PKMYT1: variants seen among roughly 807,000 people sequenced by gnomAD.
PKMYT1 encodes membrane-associated tyrosine- and threonine-specific cdc2-inhibitory kinase.
A neutral mutation model predicts 49.7 loss-of-function variants in PKMYT1; 35 were observed. The ratio of observed to expected loss-of-function variants is 0.70; its 90% CI spans 0.54 to 0.93. The LOEUF is 0.93. Ranked by LOEUF, PKMYT1 falls within the 40% of genes least tolerant of loss-of-function variation. PKMYT1 has a pLI of 0.00. For missense variants in PKMYT1, 677 were observed against 673.1 expected, an observed-to-expected ratio of 1.01 and a Z score of -0.06; for synonymous variants, 331 against 287.6, an observed-to-expected ratio of 1.15 and a Z score of -1.53.
At position 2,979,691 on chromosome 16, in the gene PKMYT1, C is replaced by CG. The variant is rs770283312; in HGVS notation, c.-35dup. ...TGGCCCAACAGCCTCAGTGGTGGGA[C>CG]GGGGGAGGCAGGAGCAGGGGCTCCC... On this transcript the variant is annotated 5_prime_UTR_variant, in exon 2 of 9. Transcript: ENST00000262300. The CG allele has an allele frequency of 1.2e-6, 2 of 1,613,688 alleles. No homozygotes were observed. The highest frequency in any genetic ancestry group is 1.7e-6 in the Non-Finnish European group (2 of 1,179,816).
At chr16:2,975,291 C>A (rs1390820750) in intron 4 of PKMYT1, 28 bp downstream of exon 4, 2 of 1,574,332 alleles carry the variant, frequency 1.3e-6, no homozygotes, top group South Asian at 1.1e-5. Context: ...CACAGCCTGC[C>A]AAACACCTGG....
rs1303521000 is a variant in PKMYT1, at chr16:2,979,873, A to T, written c.-216T>A. ...GGTAGACGGTAAGTTCCTCCCAGGC[A>T]GGGCCGCGGCTGACTTCACTCCGTG... On this transcript the variant is annotated 5_prime_UTR_variant, in exon 2 of 9. Coordinates refer to ENST00000262300, the MANE Select transcript of PKMYT1 (RefSeq NM_004203.5). The T allele has an allele frequency of 1.7e-6, 1 of 601,554 alleles. No individual in the cohort carries two copies. The highest frequency in any genetic ancestry group is 3.0e-6 in the Non-Finnish European group (1 of 334,116). 37.3% of individuals were successfully genotyped at this position (601,554 alleles called of 1,614,324 possible). A position where few individuals can be genotyped will look rare whatever the true frequency, so the allele number is the denominator to read the frequency against.
At chr16:2,975,927 G>T in intron 3 of PKMYT1, 115 bp from the exon 4 acceptor site, 1 of 1,111,600 alleles carries the variant, frequency 9.0e-7, no homozygotes, top group Non-Finnish European at 1.3e-6. Flanking sequence ...GCACGGTGGT[G>T]TAGCTGGCAT....
chr16:2,976,778 G>C lies in PKMYT1; in HGVS notation c.264C>G (p.Ala88=), dbSNP rs2072206476. ...ACCCAGGGCTCTGCAGAGTCTCTGA[G>C]GCCTCGCCCCGGAATGACACCCGCC... ...QPRRVSFRGE[A]SETLQSPGYD... Residue 88 remains alanine (A), a synonymous_variant, in exon 3 of 9, where the codon GCC becomes GCG. Transcript: ENST00000262300. 3.2e-6 allele frequency: 5 copies of C among 1,578,830 alleles called. No homozygotes were observed. Among genetic ancestry groups the C allele is most frequent in the Non-Finnish European group, 4.3e-6 (5 of 1,160,414 alleles).
chr16:2,973,735 C>G lies in PKMYT1; in HGVS notation c.1310+265G>C, dbSNP rs578221880. 10 of 563,280 alleles carry G rather than the reference C, an allele frequency of 1.8e-5. No homozygotes were observed. In the African/African-American group the frequency reaches 1.9e-4, roughly 11 times the overall value. The allele number at this position is 563,280 out of a possible 1,614,324, so 34.9% of individuals were successfully genotyped here. On this transcript the variant is annotated intron_variant, in intron 7 of 8. Transcript: ENST00000262300. ...TGTTTTATCCCTGGGCACTGGCAGC[C>G]TCCACTGGGGTCGGGGCTGCGCGGC...
At chr16:2,975,072 G>A (rs1051518000) in intron 4 of PKMYT1, among the ~76,000 whole-genome samples, 20 of 152,226 alleles carry the variant, frequency 1.3e-4, no homozygotes, top group African/African-American at 4.1e-4. Context: ...TAAATGGAGT[G>A]ACAATTGTTT....
chr16:2,972,994 T>G lies in PKMYT1; in HGVS notation c.1459A>C (p.Asn487His). 1 of 1,610,488 alleles carries G rather than the reference T, an allele frequency of 6.2e-7. No homozygotes were observed. Among genetic ancestry groups the G allele is most frequent in the South Asian group, 1.1e-5 (1 of 89,880 alleles). ...RGSFPSFEPR[N>H]LLSLFEDTLD... ...GTGTCCTCAAACAGGCTGAGGAGGT[T>G]CCGAGGCTCAAAGGAGGGGAAGGAG... Residue 487 changes from asparagine to histidine, a missense_variant, in exon 9 of 9, where the codon AAC (asparagine) becomes CAC (histidine). Asn to His is a moderately conservative substitution (Grantham distance 68). Transcript: ENST00000262300.
intron 3 of PKMYT1, 118 bp downstream of exon 3, chr16:2,976,546 G>A (rs1336541291): frequency 3.0e-6 from 3 of 1,006,644 alleles, no homozygotes; most frequent in Non-Finnish European, 4.0e-6. Flanking sequence ...AGCCCAGCAG[G>A]GACAGGCTGT....
At chr16:2,977,712 T>G (rs1250171740) in intron 2 of PKMYT1, among the ~76,000 whole-genome samples, 2 of 152,194 alleles carry the variant, frequency 1.3e-5, no homozygotes, top group African/African-American at 4.8e-5. Context: ...ATGACACTCC[T>G]GCCCTCCCAC....
In PKMYT1 at chr16:2,975,454, C is replaced by A. The variant is rs35192104; in HGVS notation, c.737G>T (p.Arg246Leu). 1 of 1,613,140 alleles carries A rather than the reference C, an allele frequency of 6.2e-7. No homozygotes were observed. Among genetic ancestry groups the A allele is most frequent in the East Asian group, 2.2e-5 (1 of 44,880 alleles). Residue 246 changes from arginine (R) to leucine (L), a missense_variant, in exon 4 of 9, where the codon CGC (arginine) becomes CTC (leucine). Arg to Leu is a moderately radical substitution (Grantham distance 102, BLOSUM62 -2). Coordinates refer to ENST00000262300, the MANE Select transcript of PKMYT1 (RefSeq NM_004203.5). ...PANIFLGPRG[R>L]CKLGDFGLLV... ...CAGTCCGAAGTCACCCAGCTTGCAG[C>A]GGCCCCGGGGCCCCAGGAAGATGTT... is the stretch of plus-strand genomic sequence containing the variant.
chr16:2,972,911 C>G lies in PKMYT1; in HGVS notation c.*42G>C. ...CAGCTTTCAAGGGCGACGGGAGAGA[C>G]ACAGGATAAAAGGTTAAAAGTGCAG... On this transcript the variant is annotated 3_prime_UTR_variant, in exon 9 of 9. Coordinates refer to ENST00000262300, the MANE Select transcript of PKMYT1 (RefSeq NM_004203.5). The G allele has an allele frequency of 8.3e-6, 13 of 1,566,660 alleles. No homozygotes were observed. The highest frequency in any genetic ancestry group is 1.1e-5 in the Non-Finnish European group (13 of 1,153,736).
In PKMYT1 at chr16:2,975,695, G is replaced by T; in HGVS notation, c.496C>A (p.Gln166Lys). 1 of 1,609,298 alleles carries T rather than the reference G, an allele frequency of 6.2e-7. No homozygotes were observed. ...TCCAGCCGCACGCAGCATGGGTGCTGCCCCACCTTCTCGTGGCTGCCCACC... is the reference window on the plus strand; with the variant it reads ...TCCAGCCGCACGCAGCATGGGTGCTTCCCCACCTTCTCGTGGCTGCCCACC... ...AEVGSHEKVG[Q>K]HPCCVRLEQA... The change falls in exon 4 of 9, where the codon CAG (glutamine) becomes AAG (lysine). Residue 166 changes from glutamine (Q) to lysine (K), a missense_variant. Transcript: ENST00000262300.
At chr16:2,979,038 T>C (rs939725117) in intron 2 of PKMYT1, among the ~76,000 whole-genome samples, 1 of 148,976 alleles carries the variant, frequency 6.7e-6, no homozygotes, top group African/African-American at 2.5e-5. Context: ...CAAAGTATTA[T>C]AAAAAACAAT....
At chr16:2,980,167 G>A (rs2072303805) in intron 1 of PKMYT1, 119 bp downstream of exon 1, 1 of 174,166 alleles carries the variant, frequency 5.7e-6, no homozygotes, top group Non-Finnish European at 1.2e-5. Flanking sequence ...GCGGGCCTGA[G>A]GGGACGCGAG....
In PKMYT1 at chr16:2,979,718, C is replaced by T. The variant is rs1007369013; in HGVS notation, c.-61G>A. On this transcript the variant is annotated 5_prime_UTR_variant, in exon 2 of 9. The change creates a new upstream start codon in the 5' untranslated region. Transcript: ENST00000262300. Reference sequence around the variant, plus strand: ...GGGGAGGCAGGAGCAGGGGCTCCCACGTGAATCCAGGGTGTCCCTGAGCTA... The same window carrying T: ...GGGGAGGCAGGAGCAGGGGCTCCCATGTGAATCCAGGGTGTCCCTGAGCTA... 6.2e-7 allele frequency: 1 copy of T among 1,611,552 alleles called. No individual in the cohort carries two copies. The highest frequency in any genetic ancestry group is 1.3e-5 in the African/African-American group (1 of 74,874).
chr16:2,975,713 T>G lies in PKMYT1; in HGVS notation c.478A>C (p.Ser160Arg). 6.2e-7 allele frequency: 1 copy of G among 1,606,892 alleles called. No homozygotes were observed. The highest frequency in any genetic ancestry group is 8.5e-7 in the Non-Finnish European group (1 of 1,179,882). ...GGGTGCTGCCCCACCTTCTCGTGGC[T>G]GCCCACCTCGGCCAACTTGCGGGCC... ...DRARKLAEVG[S>R]HEKVGQHPCC... Residue 160 changes from serine (S) to arginine (R), a missense_variant, in exon 4 of 9, where the codon AGC (serine) becomes CGC (arginine). Physicochemically the swap from Ser to Arg is moderately radical, Grantham distance 110 (BLOSUM62 -1). Transcript: ENST00000262300.
Position 2,972,968 on chromosome 16 carries a change from G to A in PKMYT1, c.1485C>T (p.Thr495=), listed in dbSNP as rs890790204. The change falls in exon 9 of 9, where the codon ACC becomes ACT. Residue 495 remains threonine (T), a synonymous_variant. Transcript: ENST00000262300. ...PRNLLSLFED[T]LDPT ...AGTCTGGGGCTCAGGTTGGGTCTAG[G>A]GTGTCCTCAAACAGGCTGAGGAGGT... 9 of 1,608,310 alleles carry A rather than the reference G, an allele frequency of 5.6e-6. No homozygotes were observed. The South Asian group carries it at 7.8e-5, about 14-fold the overall frequency.
chr16:2,976,631 C>G lies in PKMYT1; in HGVS notation c.378+33G>C, dbSNP rs201287273. The G allele has an allele frequency of 3.3e-5, 47 of 1,412,908 alleles. No homozygotes were observed. The Middle Eastern group carries it at 5.7e-4, about 17-fold the overall frequency. The allele number at this position is 1,412,908 out of a possible 1,614,324, so 87.5% of individuals were successfully genotyped here. On this transcript the variant is annotated intron_variant, in intron 3 of 8. Transcript: ENST00000262300. ...GGTGCAGAAACACAAAGGAGGTCCC[C>G]CAGATGGGCCTAGAAGCCGTCCCCT... is the stretch of plus-strand genomic sequence containing the variant.
chr16:2,977,034 G>A lies in PKMYT1; in HGVS notation c.11-3C>T, dbSNP rs777568368. ...GGGCATGGCCAGTGCAGGAGGCCCT[G>A]GGGGCAGAGACAGAGGCTGAGTACA... is the stretch of plus-strand genomic sequence containing the variant. On this transcript the variant is annotated splice_region_variant and splice_polypyrimidine_tract_variant and intron_variant, in intron 2 of 8. Transcript: ENST00000262300. 4 of 1,588,934 alleles carry A rather than the reference G, an allele frequency of 2.5e-6. No homozygotes were observed. Among genetic ancestry groups the A allele is most frequent in the Non-Finnish European group, 3.4e-6 (4 of 1,174,290 alleles).
Sources: gnomAD v4.1 joint callset for allele counts (sites outside exome capture counted in the v4.1 genomes callset) on GRCh38, gnomAD v4.1.1 for gene constraint, MANE v1.5 for transcripts, NCBI Gene and HGNC (gene_info 2026-07-23, HGNC 2026-07-21) for gene names.